NOTCH2NLA: variants seen among roughly 807,000 people sequenced by gnomAD.
NOTCH2NLA encodes notch 2 N-terminal like A.
chr1:146,186,192 C>T (rs1416881891), intron 2 of NOTCH2NLA, among the ~76,000 whole-genome samples: 1 of 134,996 alleles, frequency 7.4e-6, no homozygotes, highest in Non-Finnish European at 1.7e-5. Flanking sequence ...ATCTTGGTCT[C>T]CCAAAAGGAT....
chr1:146,185,269 A>C (rs1205456137), intron 2 of NOTCH2NLA, among the ~76,000 whole-genome samples: 1 of 136,440 alleles, frequency 7.3e-6, no homozygotes, highest in African/African-American at 2.5e-5. Context: ...ATTGGGATTT[A>C]GAATGGTTTA....
intron 2 of NOTCH2NLA, among the ~76,000 whole-genome samples, chr1:146,182,824 C>T (rs1333217841): frequency 9.5e-6 from 1 of 105,360 alleles, no homozygotes; most frequent in African/African-American, 3.1e-5. Flanking sequence ...CCAGCCTGGG[C>T]CACAGAGCGA....
intron 4 of NOTCH2NLA, among the ~76,000 whole-genome samples, chr1:146,149,968 CTGA>C (rs1191006376): frequency 3.6e-5 from 5 of 140,294 alleles, no homozygotes; most frequent in African/African-American, 8.1e-5. Context: ...TGTCAATCAA[CTGA>C]TGATGGATAA....
chr1:146,180,515 CAG>C (rs1329354905), intron 2 of NOTCH2NLA, among the ~76,000 whole-genome samples: 1 of 142,632 alleles, frequency 7.0e-6, no homozygotes. Context: ...TTTTTGGACT[CAG>C]AGGACTAAGT....
At chr1:146,157,477 T>C (rs2102266701) in intron 3 of NOTCH2NLA, among the ~76,000 whole-genome samples, 1 of 134,702 alleles carries the variant, frequency 7.4e-6, no homozygotes, top group African/African-American at 2.7e-5. Flanking sequence ...AAAAATCAAC[T>C]TCCCTTCTGT....
downstream of NOTCH2NLA, chr1:146,154,070 T>C (rs1409637862): frequency 1.1e-4 from 13 of 117,406 alleles, no homozygotes; most frequent in African/African-American, 4.5e-4. Flanking sequence ...TATTGATATG[T>C]AACAAGTACT....
At chr1:146,186,477 C>G (rs1325134177) in intron 2 of NOTCH2NLA, among the ~76,000 whole-genome samples, 21 of 144,598 alleles carry the variant, frequency 1.5e-4, no homozygotes, top group African/African-American at 5.2e-4. Flanking sequence ...GCCTCAGCCT[C>G]CCGAGTAACT....
chr1:146,220,122 T>C (rs190132345), intron 1 of NOTCH2NLA, among the ~76,000 whole-genome samples: 8 of 8,902 alleles, frequency 9.0e-4, no homozygotes, highest in Non-Finnish European at 1.3e-3. Flanking sequence ...TAGTTACAAC[T>C]ATTTTCCTTA....
At chr1:146,174,654 A>G in intron 2 of NOTCH2NLA, among the ~76,000 whole-genome samples, 1 of 143,448 alleles carries the variant, frequency 7.0e-6, no homozygotes, top group East Asian at 1.9e-4. Flanking sequence ...CCTCTGGGCT[A>G]GTTTCCAGCA....
exon 1 of NOTCH2NLA, chr1:146,228,848 C>T (rs782352914): frequency 3.8e-5 from 57 of 1,500,488 alleles, no homozygotes; most frequent in Non-Finnish European, 5.0e-5. Flanking sequence ...GGGAGGGGGT[C>T]CCGATAGAGG....
intron 3 of NOTCH2NLA, among the ~76,000 whole-genome samples, chr1:146,157,443 C>A (rs1661217156): frequency 6.9e-6 from 1 of 144,414 alleles, no homozygotes. Context: ...GGCGACACAG[C>A]AAGACTCCAT....
At chr1:146,187,370 T>G (rs1553810473) in intron 2 of NOTCH2NLA, among the ~76,000 whole-genome samples, 4 of 134,540 alleles carry the variant, frequency 3.0e-5, no homozygotes, top group African/African-American at 1.0e-4. Context: ...GTAGAATGAT[T>G]TATAATCCTT....
At chr1:146,228,757 G>A (rs782403100) in exon 1 of NOTCH2NLA, 1 of 1,573,084 alleles carries the variant, frequency 6.4e-7, no homozygotes, top group Admixed American at 1.7e-5. Context: ...AGCGCCCACA[G>A]CAGAGCGGGG....
chr1:146,178,262 TTA>T (rs1307368837), intron 2 of NOTCH2NLA, among the ~76,000 whole-genome samples: 1 of 121,586 alleles, frequency 8.2e-6, no homozygotes, highest in Non-Finnish European at 1.9e-5. Context: ...TGCTGATTAG[TTA>T]TACAAGGCTA....
intron 2 of NOTCH2NLA, among the ~76,000 whole-genome samples, chr1:146,186,479 C>T (rs61815741): frequency 0.18 from 22,320 of 127,516 alleles, 1,648 homozygotes; most frequent in Admixed American, 0.24. Flanking sequence ...CTCAGCCTCC[C>T]GAGTAACTGG....
intron 1 of NOTCH2NLA, among the ~76,000 whole-genome samples, chr1:146,219,580 G>T (rs1664008313): frequency 1.9e-5 from 2 of 103,376 alleles, no homozygotes; most frequent in Admixed American, 2.1e-4. Flanking sequence ...ATGAGTAAAA[G>T]ACACAATTTA....
rs1423441041 is a variant in NOTCH2NLA at position 146,174,725 on chromosome 1, G to GC, written c.39-9716dup. Among the ~76,000 whole-genome samples, 15 of 143,796 alleles carry GC rather than the reference G, an allele frequency of 1.0e-4. 3 individuals are homozygous for GC. 94.3% of individuals were successfully genotyped at this position (143,796 alleles called of 152,430 possible). A position where few individuals can be genotyped will look rare whatever the true frequency, so the allele number is the denominator to read the frequency against. ...CTTTCTTCTTGCACTGGGCCTCTTG[G>GC]CCCCCCAATCCACAGTGGCAGCCTG... On this transcript the variant is annotated intron_variant, in intron 2 of 4. Transcript: ENST00000362074.
intron 3 of NOTCH2NLA, among the ~76,000 whole-genome samples, chr1:146,159,444 A>AAAGAAAGG (rs1661371750): frequency 6.7e-6 from 1 of 149,410 alleles, no homozygotes; most frequent in Admixed American, 6.6e-5. Flanking sequence ...AGAAAGAAAG[A>AAAGAAAGG]AAGAGAAAGA....
chr1:146,185,777 A>G (rs1662728223), intron 2 of NOTCH2NLA, among the ~76,000 whole-genome samples: 1 of 133,672 alleles, frequency 7.5e-6, no homozygotes, highest in African/African-American at 2.5e-5. Flanking sequence ...TTTGGCTTCA[A>G]CTTTCTTTTC....
Sources: gnomAD v4.1 joint callset for allele counts (sites outside exome capture counted in the v4.1 genomes callset) on GRCh38, gnomAD v4.1.1 for gene constraint, MANE v1.5 for transcripts, NCBI Gene and HGNC (gene_info 2026-07-23, HGNC 2026-07-21) for gene names.